The following ZNF566 variants were observed in gnomAD, a reference collection of about 807,000 sequenced individuals.
ZNF566 encodes zinc finger protein 566.
Under a neutral mutation model 32.8 loss-of-function variants are expected in ZNF566, and 27 were observed. The observed-to-expected ratio is 0.82, with a 90% confidence interval of 0.61 to 1.14. The LOEUF (loss-of-function observed/expected upper bound fraction) is 1.14, where lower values mean the gene tolerates loss of function less well. ZNF566 is among the 50% of genes most tolerant of loss of function. The pLI, the probability that ZNF566 is intolerant of heterozygous loss-of-function variation, is 0.00. For missense variants in ZNF566, 402 were observed against 490.4 expected (o/e 0.82, Z 1.70); for synonymous variants, 154 against 159.5 (o/e 0.97, Z 0.26).
Position 36,447,347 on chromosome 19 carries a change from T to C in ZNF566, c.*1630A>G, listed in dbSNP as rs955875206. The C allele has an allele frequency of 5.3e-5, 8 of 152,188 alleles. No individual in the cohort carries two copies. The highest frequency in any genetic ancestry group is 3.9e-4 in the Admixed American group (6 of 15,278). The allele number at this position is 152,188 out of a possible 1,614,324, so 9.4% of individuals were successfully genotyped here. On this transcript the variant is annotated 3_prime_UTR_variant, in exon 5 of 5. Coordinates refer to ENST00000452939, the MANE Select transcript of ZNF566 (RefSeq NM_001145344.1). ...TAACTGAAATAGTTCCTTGAACATT[T>C]GATAAAGTTTTCCTTAGAAAGAAAC... is the stretch of plus-strand genomic sequence containing the variant.
In ZNF566 at chr19:36,449,359, A is replaced by G; in HGVS notation, c.875T>C (p.Phe292Ser). Reference protein sequence around the residue: ...PYECKECGKAFSSGSNFTQHQ... With the variant: ...PYECKECGKASSSGSNFTQHQ... ...TTGAGTAAAGTTTGAGCCACTACTAAAGGCCTTCCCGCATTCTTTGCATTC... is the reference window on the plus strand; with the variant it reads ...TTGAGTAAAGTTTGAGCCACTACTAGAGGCCTTCCCGCATTCTTTGCATTC... Residue 292 changes from phenylalanine (F) to serine (S), a missense_variant, in exon 5 of 5, where the codon TTT becomes TCT. Coordinates refer to ENST00000452939, the MANE Select transcript of ZNF566 (RefSeq NM_001145344.1). The G allele has an allele frequency of 6.2e-7, 1 of 1,614,170 alleles. No individual in the cohort carries two copies. The highest frequency in any genetic ancestry group is 2.2e-5 in the East Asian group (1 of 44,876).
chr19:36,465,663 C>A (rs2033594584), intron 4 of ZNF566, among the ~76,000 whole-genome samples: 1 of 151,570 alleles, frequency 6.6e-6, no homozygotes, highest in Admixed American at 6.6e-5. Flanking sequence ...TTAGTAGAGA[C>A]GGGGTTTCAT....
Position 36,480,899 on chromosome 19 carries a change from C to T in ZNF566, c.-59-4283G>A, listed in dbSNP as rs1001668779. 4.0e-5 allele frequency among the ~76,000 whole-genome samples: 6 copies of T among 151,436 alleles called. No individual in the cohort carries two copies. The East Asian group carries it at 6.0e-4, about 15-fold the overall frequency. The stretch of plus-strand genomic sequence containing the variant: ...TACTAAAAATACAAAAAAAATTAGC[C>T]GGGCATGGTGGCAGACGCCTGTAAT... On this transcript the variant is annotated intron_variant, in intron 1 of 4. Transcript: ENST00000452939.
chr19:36,450,381 C>T lies in ZNF566; in HGVS notation c.233-380G>A, dbSNP rs1246756027. Reference sequence around the variant, plus strand: ...AGGGAAATGGCCAGGCATGGTGGCTCACATCTGTAATCCCAGCACCTTGGG... The same window carrying T: ...AGGGAAATGGCCAGGCATGGTGGCTTACATCTGTAATCCCAGCACCTTGGG... On this transcript the variant is annotated intron_variant, in intron 4 of 4. Coordinates refer to ENST00000452939, the MANE Select transcript of ZNF566 (RefSeq NM_001145344.1). 2.0e-5 allele frequency among the ~76,000 whole-genome samples: 3 copies of T among 152,150 alleles called. 1 individual carries two copies. The South Asian group carries it at 6.2e-4, about 32-fold the overall frequency.
chr19:36,453,117 C>CA lies in ZNF566; in HGVS notation c.233-3117dup, dbSNP rs1000282859. 4.5e-3 allele frequency among the ~76,000 whole-genome samples: 581 copies of CA among 129,802 alleles called. 4 individuals carry two copies. Among genetic ancestry groups the CA allele is most frequent in the African/African-American group, 0.013 (441 of 34,974 alleles). The allele number at this position is 129,802 out of a possible 152,430, so 85.2% of individuals were successfully genotyped here. A position where few individuals can be genotyped will look rare whatever the true frequency, so the allele number is the denominator to read the frequency against. On this transcript the variant is annotated intron_variant, in intron 4 of 4. Transcript: ENST00000452939. ...TGGGCAACAGAGCAAGACTCTGTCT[C>CA]AAAAAAAAAACAAAAAAACAAAAAA...
chr19:36,450,774 C>T (rs1355581468), intron 4 of ZNF566, among the ~76,000 whole-genome samples: 1 of 152,318 alleles, frequency 6.6e-6, no homozygotes, highest in Middle Eastern at 3.4e-3. Flanking sequence ...TGGCCCTGCA[C>T]CCATTTTTAT....
At chr19:36,471,294 T>C (rs925019873) in intron 4 of ZNF566, among the ~76,000 whole-genome samples, 13 of 152,010 alleles carry the variant, frequency 8.6e-5, no homozygotes, top group African/African-American at 3.1e-4. Flanking sequence ...TGTCTTAGAA[T>C]GAAAAGATTT....
intron 4 of ZNF566, among the ~76,000 whole-genome samples, chr19:36,455,166 T>G (rs2033267839): frequency 6.6e-6 from 1 of 152,164 alleles, no homozygotes; most frequent in Admixed American, 6.5e-5. Context: ...CAACATACTT[T>G]CATAATCAAA....
At chr19:36,477,522 TTC>T (rs2033918599) in intron 1 of ZNF566, among the ~76,000 whole-genome samples, 1 of 115,400 alleles carries the variant, frequency 8.7e-6, no homozygotes, top group Non-Finnish European at 1.9e-5. Flanking sequence ...AGTTTTCTGT[TTC>T]TGTTTTTTTT....
chr19:36,461,587 C>A (rs545111399), intron 4 of ZNF566, among the ~76,000 whole-genome samples: 1 of 152,188 alleles, frequency 6.6e-6, no homozygotes, highest in South Asian at 2.1e-4. Context: ...AGGAGAATCC[C>A]CTGAACCCAG....
intron 1 of ZNF566, among the ~76,000 whole-genome samples, chr19:36,487,692 G>GA (rs2034201082): frequency 6.6e-6 from 1 of 152,072 alleles, no homozygotes; most frequent in Non-Finnish European, 1.5e-5. Context: ...CGGATCACCT[G>GA]AGGTCAGGAC....
chr19:36,462,726 ATC>A (rs1288134525), intron 4 of ZNF566, among the ~76,000 whole-genome samples: 1 of 151,726 alleles, frequency 6.6e-6, no homozygotes, highest in Non-Finnish European at 1.5e-5. Context: ...GATTGCCCCA[ATC>A]TCTCTTGGTG....
chr19:36,477,555 T>TTTTTTTTTTTCGG (rs2033925754), intron 1 of ZNF566, among the ~76,000 whole-genome samples: 1 of 136,720 alleles, frequency 7.3e-6, no homozygotes, highest in Non-Finnish European at 1.6e-5. Context: ...GTTTGTTTTT[T>TTTTTTTTTTTCGG]TGAGACGGAG....
Position 36,446,241 on chromosome 19 carries a change from G to A in ZNF566, c.*2736C>T, listed in dbSNP as rs193263297. ...CAGAGGGGAGGGAATGAGGAACGGA[G>A]AAGGGCAAAGATAATCATTTTTTCT... On this transcript the variant is annotated 3_prime_UTR_variant, in exon 5 of 5. Coordinates refer to ENST00000452939, the MANE Select transcript of ZNF566 (RefSeq NM_001145344.1). The A allele has an allele frequency of 2.0e-5, 3 of 151,074 alleles. No homozygotes were observed. Among genetic ancestry groups the A allele is most frequent in the Non-Finnish European group, 2.9e-5 (2 of 67,824 alleles). The allele number at this position is 151,074 out of a possible 1,614,324, so 9.4% of individuals were successfully genotyped here.
At chr19:36,488,234 C>T (rs2034219575) in intron 1 of ZNF566, among the ~76,000 whole-genome samples, 1 of 152,116 alleles carries the variant, frequency 6.6e-6, no homozygotes, top group Admixed American at 6.6e-5. Flanking sequence ...TAGGTGCCAG[C>T]CACCATGCCC....
chr19:36,458,717 A>C (rs2033382672), intron 4 of ZNF566, among the ~76,000 whole-genome samples: 1 of 152,196 alleles, frequency 6.6e-6, no homozygotes, highest in Admixed American at 6.5e-5. Context: ...AGTAGATCTT[A>C]ATGTTCTTAC....
At position 36,473,314 on chromosome 19, in the gene ZNF566, A is replaced by G; in HGVS notation, c.136+18T>C. 6.2e-7 allele frequency: 1 copy of G among 1,613,908 alleles called. No homozygotes were observed. Among genetic ancestry groups the G allele is most frequent in the Non-Finnish European group, 8.5e-7 (1 of 1,179,914 alleles). On this transcript the variant is annotated intron_variant, in intron 3 of 4. Coordinates refer to ENST00000452939, the MANE Select transcript of ZNF566 (RefSeq NM_001145344.1). ...TTCCAAGGGCAGAATCTAAATTACT[A>G]TGGACAGATGTCCTTACCCATTGAA...
rs368680177 is a variant in ZNF566 at position 36,449,525 on chromosome 19, T to A, written c.709A>T (p.Ile237Phe). 1 of 1,614,124 alleles carries A rather than the reference T, an allele frequency of 6.2e-7. No individual in the cohort carries two copies. Among genetic ancestry groups the A allele is most frequent in the Non-Finnish European group, 8.5e-7 (1 of 1,180,018 alleles). Residue 237 changes from isoleucine to phenylalanine, a missense_variant, in exon 5 of 5, where the codon ATT (isoleucine) becomes TTT (phenylalanine). Coordinates refer to ENST00000452939, the MANE Select transcript of ZNF566 (RefSeq NM_001145344.1). ...FECKECGKTF[I>F]CGSDLTRHHR... ...TGTCGAGTAAGGTCTGAGCCACAAATAAAGGTTTTTCCACATTCCTTACAT... is the reference window on the plus strand; with the variant it reads ...TGTCGAGTAAGGTCTGAGCCACAAAAAAAGGTTTTTCCACATTCCTTACAT...
chr19:36,449,066 T>A lies in ZNF566; in HGVS notation c.1168A>T (p.Thr390Ser). ...CTATATTCATAGGGTTTCTCACTAG[T>A]ATGAATTCTATGATGACTAATAAGC... ...SQLISHHRIH[T>S]SEKPYEYREC... is the part of the protein sequence containing the mutation. The change falls in exon 5 of 5, where the codon ACT becomes TCT. Residue 390 changes from threonine (T) to serine (S), a missense_variant. Coordinates refer to ENST00000452939, the MANE Select transcript of ZNF566 (RefSeq NM_001145344.1). The A allele has an allele frequency of 1.2e-6, 2 of 1,613,974 alleles. No individual in the cohort carries two copies. Among genetic ancestry groups the A allele is most frequent in the African/African-American group, 2.7e-5 (2 of 75,054 alleles).
Sources: gnomAD v4.1 joint callset for allele counts (sites outside exome capture counted in the v4.1 genomes callset) on GRCh38, gnomAD v4.1.1 for gene constraint, MANE v1.5 for transcripts, NCBI Gene and HGNC (gene_info 2026-07-23, HGNC 2026-07-21) for gene names.